The following H2BC21 variants were observed in gnomAD, a reference collection of about 807,000 sequenced individuals.
H2BC21 encodes H2B clustered histone 21.
Under a neutral mutation model 6.2 loss-of-function variants are expected in H2BC21, and 2 were observed. That is an observed-to-expected ratio of 0.32 (90% CI 0.13 to 1.02). The LOEUF is 1.02. H2BC21 is among the 50% of genes least tolerant of loss of function. The pLI, the probability that H2BC21 is intolerant of heterozygous loss-of-function variation, is 0.47. For synonymous variants in H2BC21, 109 were observed against 75.2 expected, an observed-to-expected ratio of 1.45 and a Z score of -2.33; for missense variants, 98 against 172.2, an observed-to-expected ratio of 0.57 and a Z score of 2.41.
chr1:149,886,223 C>A lies in H2BC21; in HGVS notation c.*37G>T, dbSNP rs1553759682. On this transcript the variant is annotated 3_prime_UTR_variant, in exon 1 of 1. Transcript: ENST00000369155. ...AGAGCCTTTGGAGTCAAGCAGCCGG[C>A]GACTCGAGCGAGCGAGCGCCAGGTC... 3 of 1,613,708 alleles carry A rather than the reference C, an allele frequency of 1.9e-6. No homozygotes were observed. The highest frequency in any genetic ancestry group is 2.7e-5 in the African/African-American group (2 of 74,926).
In H2BC21 at chr1:149,886,646, G is replaced by C. The variant is rs587639035; in HGVS notation, c.-6C>G. 3 of 1,612,032 alleles carry C rather than the reference G, an allele frequency of 1.9e-6. No homozygotes were observed. Among genetic ancestry groups the C allele is most frequent in the Admixed American group, 1.7e-5 (1 of 59,468 alleles). ...GATTTTGCCGGTTCAGGCATGGTAA[G>C]ACACAGTACAAACGCGGCTTAGCCA... On this transcript the variant is annotated 5_prime_UTR_variant, in exon 1 of 1. Coordinates refer to ENST00000369155, the MANE Select transcript of H2BC21 (RefSeq NM_003528.3).
In H2BC21 at chr1:149,886,043, C is replaced by T. The variant is rs781842989; in HGVS notation, c.*217G>A. The T allele has an allele frequency of 1.3e-6, 1 of 763,012 alleles. No individual in the cohort carries two copies. Among genetic ancestry groups the T allele is most frequent in the South Asian group, 1.9e-5 (1 of 52,768 alleles). The allele number at this position is 763,012 out of a possible 1,614,324, so 47.3% of individuals were successfully genotyped here. A position where few individuals can be genotyped will look rare whatever the true frequency, so the allele number is the denominator to read the frequency against. ...CACGCTCTAGATTCAAAAGCAAATCCAATGACGCACTGGGGACCTCGAGTT... is the reference window on the plus strand; with the variant it reads ...CACGCTCTAGATTCAAAAGCAAATCTAATGACGCACTGGGGACCTCGAGTT... On this transcript the variant is annotated 3_prime_UTR_variant, in exon 1 of 1. Coordinates refer to ENST00000369155, the MANE Select transcript of H2BC21 (RefSeq NM_003528.3).
At position 149,886,267 on chromosome 1, in the gene H2BC21, G is replaced by C; in HGVS notation, c.374C>G (p.Ser125Cys). 2 of 1,614,106 alleles carry C rather than the reference G, an allele frequency of 1.2e-6. No homozygotes were observed. Among genetic ancestry groups the C allele is most frequent in the Non-Finnish European group, 1.7e-6 (2 of 1,179,962 alleles). ...GTKAVTKYTS[S>C]K ...CCAGGTCCCGGCAGGGACTCACTTGGAGCTGGTGTACTTGGTGACCGCCTT... is the reference window on the plus strand; with the variant it reads ...CCAGGTCCCGGCAGGGACTCACTTGCAGCTGGTGTACTTGGTGACCGCCTT... Residue 125 changes from serine to cysteine, a missense_variant, in exon 1 of 1, where the codon TCC becomes TGC. By Grantham distance (112) the Ser-to-Cys change is moderately radical. Transcript: ENST00000369155.
chr1:149,886,663 G>T lies in H2BC21; in HGVS notation c.-23C>A. The T allele has an allele frequency of 5.6e-6, 9 of 1,595,344 alleles. No individual in the cohort carries two copies. Among genetic ancestry groups the T allele is most frequent in the Non-Finnish European group, 7.7e-6 (9 of 1,172,690 alleles). The stretch of plus-strand genomic sequence containing the variant: ...CATGGTAAGACACAGTACAAACGCG[G>T]CTTAGCCAAGAAAAGAAGTAAGAGA... On this transcript the variant is annotated 5_prime_UTR_variant, in exon 1 of 1. Transcript: ENST00000369155.
chr1:149,886,449 G>A lies in H2BC21; in HGVS notation c.192C>T (p.Asn64=), dbSNP rs2092298723. The A allele has an allele frequency of 1.2e-6, 2 of 1,614,264 alleles. No homozygotes were observed. The highest frequency in any genetic ancestry group is 1.7e-6 in the Non-Finnish European group (2 of 1,180,050). The stretch of plus-strand genomic sequence containing the variant: ...GCTCGAAGATGTCGTTGACGAAGGA[G>A]TTCATGATGCCCATGGCCTTGGACG... The part of the protein sequence containing the change: ...GISSKAMGIM[N]SFVNDIFERI... Residue 64 remains asparagine, a synonymous_variant, in exon 1 of 1, where the codon AAC becomes AAT. Coordinates refer to ENST00000369155, the MANE Select transcript of H2BC21 (RefSeq NM_003528.3).
rs146619988 is a variant in H2BC21, at chr1:149,886,308, G to A, written c.333C>T (p.Ala111=). 2.2e-4 allele frequency: 362 copies of A among 1,613,926 alleles called. No homozygotes were observed. Among genetic ancestry groups the A allele is most frequent in the Admixed American group, 1.8e-3 (109 of 59,998 alleles). ...TGACCGCCTTGGTGCCCTCGGACACGGCGTGCTTGGCCAGCTCGCCGGGCA... is the reference window on the plus strand; with the variant it reads ...TGACCGCCTTGGTGCCCTCGGACACAGCGTGCTTGGCCAGCTCGCCGGGCA... ...LLLPGELAKH[A]VSEGTKAVTK... is the part of the protein sequence containing the mutation. Residue 111 remains alanine (A), a synonymous_variant, in exon 1 of 1, where the codon GCC becomes GCT. Coordinates refer to ENST00000369155, the MANE Select transcript of H2BC21 (RefSeq NM_003528.3).
In H2BC21 at chr1:149,885,924, TGGGGCGGGAGTG is replaced by T. The variant is rs1236003552; in HGVS notation, c.*324_*335del. 6 of 394,554 alleles carry T rather than the reference TGGGGCGGGAGTG, an allele frequency of 1.5e-5. No individual in the cohort carries two copies. The highest frequency in any genetic ancestry group is 4.6e-5 in the South Asian group (2 of 43,634). The allele number at this position is 394,554 out of a possible 1,614,324, so 24.4% of individuals were successfully genotyped here. ...ACCCAAGGAGCCACCAGGGCGCGTG[TGGGGCGGGAGTG>T]GGGGCGGGTAAAGAGGCGGATTCCC... On this transcript the variant is annotated 3_prime_UTR_variant, in exon 1 of 1. Transcript: ENST00000369155.
At position 149,884,506 on chromosome 1, in the gene H2BC21, T is replaced by C. The variant is rs1400967613; in HGVS notation, c.*1754A>G. 2 of 152,202 alleles carry C rather than the reference T, an allele frequency of 1.3e-5. No homozygotes were observed. Among genetic ancestry groups the C allele is most frequent in the East Asian group, 1.9e-4 (1 of 5,202 alleles). 9.4% of individuals were successfully genotyped at this position (152,202 alleles called of 1,614,324 possible). A position where few individuals can be genotyped will look rare whatever the true frequency, so the allele number is the denominator to read the frequency against. ...TTAATAACAATAGCATCTATACACA[T>C]TTGAAAACACACATGTAGGAGACAG... On this transcript the variant is annotated 3_prime_UTR_variant, in exon 1 of 1. Transcript: ENST00000369155.
rs1467504631 is a variant in H2BC21 at position 149,886,208 on chromosome 1, G to A, written c.*52C>T. ...TGGGTGGCTCTGAAAAGAGCCTTTG[G>A]AGTCAAGCAGCCGGCGACTCGAGCG... is the stretch of plus-strand genomic sequence containing the variant. On this transcript the variant is annotated 3_prime_UTR_variant, in exon 1 of 1. Coordinates refer to ENST00000369155, the MANE Select transcript of H2BC21 (RefSeq NM_003528.3). 6 of 1,613,454 alleles carry A rather than the reference G, an allele frequency of 3.7e-6. No individual in the cohort carries two copies. In the Admixed American group the frequency reaches 8.3e-5, roughly 22 times the overall value.
Position 149,886,521 on chromosome 1 carries a change from G to A in H2BC21, c.120C>T (p.Ile40=). 1.2e-6 allele frequency: 2 copies of A among 1,614,270 alleles called. No individual in the cohort carries two copies. Among genetic ancestry groups the A allele is most frequent in the Non-Finnish European group, 1.7e-6 (2 of 1,180,054 alleles). ...RKRSRKESYS[I]YVYKVLKQVH... ...CCTGCTTCAGCACCTTGTACACGTAGATGGAGTAGCTCTCTTTGCGGCTGC... is the reference window on the plus strand; with the variant it reads ...CCTGCTTCAGCACCTTGTACACGTAAATGGAGTAGCTCTCTTTGCGGCTGC... The change falls in exon 1 of 1, where the codon ATC becomes ATT. Residue 40 remains isoleucine (I), a synonymous_variant. Coordinates refer to ENST00000369155, the MANE Select transcript of H2BC21 (RefSeq NM_003528.3).
In H2BC21 at chr1:149,886,284, G is replaced by A; in HGVS notation, c.357C>T (p.Val119=). Reference sequence around the variant, plus strand: ...CTCACTTGGAGCTGGTGTACTTGGTGACCGCCTTGGTGCCCTCGGACACGG... The same window carrying A: ...CTCACTTGGAGCTGGTGTACTTGGTAACCGCCTTGGTGCCCTCGGACACGG... ...KHAVSEGTKA[V]TKYTSSK The change falls in exon 1 of 1, where the codon GTC becomes GTT. Residue 119 remains valine (V), a synonymous_variant. Coordinates refer to ENST00000369155, the MANE Select transcript of H2BC21 (RefSeq NM_003528.3). The A allele has an allele frequency of 4.3e-6, 7 of 1,614,102 alleles. No homozygotes were observed. The highest frequency in any genetic ancestry group is 5.9e-6 in the Non-Finnish European group (7 of 1,179,966).
Position 149,884,520 on chromosome 1 carries a change from T to C in H2BC21, c.*1740A>G, listed in dbSNP as rs2092285426. On this transcript the variant is annotated 3_prime_UTR_variant, in exon 1 of 1. Coordinates refer to ENST00000369155, the MANE Select transcript of H2BC21 (RefSeq NM_003528.3). The stretch of plus-strand genomic sequence containing the variant: ...ATCTATACACATTTGAAAACACACA[T>C]GTAGGAGACAGTTAAGATCTATTCA... 1 of 152,188 alleles carries C rather than the reference T, an allele frequency of 6.6e-6. No homozygotes were observed. The highest frequency in any genetic ancestry group is 1.5e-5 in the Non-Finnish European group (1 of 68,036). 9.4% of individuals were successfully genotyped at this position (152,188 alleles called of 1,614,324 possible).
rs1350177326 is a variant in H2BC21 at position 149,885,681 on chromosome 1, G to A, written c.*579C>T. The A allele has an allele frequency of 1.2e-5, 2 of 162,606 alleles. No homozygotes were observed. Among genetic ancestry groups the A allele is most frequent in the Admixed American group, 1.1e-4 (2 of 17,488 alleles). The allele number at this position is 162,606 out of a possible 1,614,324, so 10.1% of individuals were successfully genotyped here. Reference sequence around the variant, plus strand: ...TGTCGCCCAATCAGGACAAGGCTGGGACCCGGCTGCGCGGCCTTCGTCCAA... The same window carrying A: ...TGTCGCCCAATCAGGACAAGGCTGGAACCCGGCTGCGCGGCCTTCGTCCAA... On this transcript the variant is annotated 3_prime_UTR_variant, in exon 1 of 1. Coordinates refer to ENST00000369155, the MANE Select transcript of H2BC21 (RefSeq NM_003528.3).
In H2BC21 at chr1:149,886,631, G is replaced by A. The variant is rs201449104; in HGVS notation, c.10C>T (p.Pro4Ser). ...TTAGGGGCCGGAGCGGATTTTGCCGGTTCAGGCATGGTAAGACACAGTACA... is the reference window on the plus strand; with the variant it reads ...TTAGGGGCCGGAGCGGATTTTGCCGATTCAGGCATGGTAAGACACAGTACA... MPE[P>S]AKSAPAPKKG... Residue 4 changes from proline (P) to serine (S), a missense_variant, in exon 1 of 1, where the codon CCG becomes TCG. By Grantham distance (74) the Pro-to-Ser change is moderately conservative. Around this residue, in one of 2 missense-constraint regions of H2BC21, gnomAD observed 50 missense variants for 34.4 expected, o/e 1.45. Transcript: ENST00000369155. 61 of 1,613,812 alleles carry A rather than the reference G, an allele frequency of 3.8e-5. No individual in the cohort carries two copies. The highest frequency in any genetic ancestry group is 3.3e-4 in the East Asian group (15 of 44,882).
At position 149,886,084 on chromosome 1, in the gene H2BC21, G is replaced by A. The variant is rs1553759654; in HGVS notation, c.*176C>T. ...ACCTCGAGTTCCAAATAGTTAAAAAGCTACGTATGCCATTTCCCATGACCT... is the reference window on the plus strand; with the variant it reads ...ACCTCGAGTTCCAAATAGTTAAAAAACTACGTATGCCATTTCCCATGACCT... On this transcript the variant is annotated 3_prime_UTR_variant, in exon 1 of 1. Transcript: ENST00000369155. 2 of 1,119,222 alleles carry A rather than the reference G, an allele frequency of 1.8e-6. No homozygotes were observed. The highest frequency in any genetic ancestry group is 2.5e-6 in the Non-Finnish European group (2 of 798,012). The allele number at this position is 1,119,222 out of a possible 1,614,324, so 69.3% of individuals were successfully genotyped here.
At position 149,885,941 on chromosome 1, in the gene H2BC21, C is replaced by T; in HGVS notation, c.*319G>A. 1 of 418,090 alleles carries T rather than the reference C, an allele frequency of 2.4e-6. No homozygotes were observed. Among genetic ancestry groups the T allele is most frequent in the South Asian group, 2.3e-5 (1 of 44,308 alleles). 25.9% of individuals were successfully genotyped at this position (418,090 alleles called of 1,614,324 possible). ...GGCGCGTGTGGGGCGGGAGTGGGGG[C>T]GGGTAAAGAGGCGGATTCCCAACAG... On this transcript the variant is annotated 3_prime_UTR_variant, in exon 1 of 1. Transcript: ENST00000369155.
At position 149,885,873 on chromosome 1, in the gene H2BC21, A is replaced by G; in HGVS notation, c.*387T>C. The stretch of plus-strand genomic sequence containing the variant: ...GTTCTCTTAAATGACAGCCGAACTC[A>G]GCCACTTCGTTTTAGAATGAAACAG... On this transcript the variant is annotated 3_prime_UTR_variant, in exon 1 of 1. Transcript: ENST00000369155. The G allele has an allele frequency of 3.1e-6, 1 of 321,494 alleles. No homozygotes were observed. The highest frequency in any genetic ancestry group is 1.1e-3 in the Middle Eastern group (1 of 924). The allele number at this position is 321,494 out of a possible 1,614,324, so 19.9% of individuals were successfully genotyped here.
Position 149,885,598 on chromosome 1 carries a change from T to C in H2BC21, c.*662A>G, listed in dbSNP as rs1265250754. The C allele has an allele frequency of 2.6e-5, 4 of 154,328 alleles. No homozygotes were observed. Among genetic ancestry groups the C allele is most frequent in the African/African-American group, 9.7e-5 (4 of 41,450 alleles). 9.6% of individuals were successfully genotyped at this position (154,328 alleles called of 1,614,324 possible). A position where few individuals can be genotyped will look rare whatever the true frequency, so the allele number is the denominator to read the frequency against. On this transcript the variant is annotated 3_prime_UTR_variant, in exon 1 of 1. Transcript: ENST00000369155. The stretch of plus-strand genomic sequence containing the variant: ...AAATAGGAATTTCAAAGTCTCAAAG[T>C]GAACGACGGAAACTGAAATCTACAA...
chr1:149,885,943 G>T lies in H2BC21; in HGVS notation c.*317C>A. 2.4e-6 allele frequency: 1 copy of T among 424,664 alleles called. No homozygotes were observed. Among genetic ancestry groups the T allele is most frequent in the Non-Finnish European group, 4.3e-6 (1 of 233,610 alleles). The allele number at this position is 424,664 out of a possible 1,614,324, so 26.3% of individuals were successfully genotyped here. A position where few individuals can be genotyped will look rare whatever the true frequency, so the allele number is the denominator to read the frequency against. On this transcript the variant is annotated 3_prime_UTR_variant, in exon 1 of 1. Transcript: ENST00000369155. ...CGCGTGTGGGGCGGGAGTGGGGGCG[G>T]GTAAAGAGGCGGATTCCCAACAGCC...
Sources: allele counts gnomAD v4.1 joint callset, GRCh38; gene constraint gnomAD v4.1.1; regional missense constraint gnomAD v4.1.1; transcripts MANE v1.5; gene names NCBI Gene and HGNC (gene_info 2026-07-23, HGNC 2026-07-21).